Variants in NEFL observed in about 807,000 individuals in gnomAD.
The protein encoded by NEFL is neurofilament light chain.
A neutral mutation model predicts 51.6 loss-of-function variants in NEFL; 36 were observed. The ratio of observed to expected loss-of-function variants is 0.70; its 90% CI spans 0.53 to 0.92. NEFL has a LOEUF of 0.92. NEFL is among the 40% of genes least tolerant of loss of function. The probability of loss-of-function intolerance (pLI) is 0.00; values close to 1 mark genes in which losing one functional copy is unlikely to be tolerated. For synonymous variants in NEFL, 332 were observed against 302.5 expected (o/e 1.10, Z -1.01); for missense variants, 671 against 722.0 (o/e 0.93, Z 0.81).
In NEFL at chr8:24,955,684, C is replaced by T; in HGVS notation, c.832G>A (p.Glu278Lys). Residue 278 changes from glutamate (E) to lysine (K), a missense_variant, in exon 1 of 4, where the codon GAA becomes AAA. Transcript: ENST00000610854. This position sits in a 1 kb window ranked among gnomAD's most constrained non-coding sequence, Gnocchi z 4.0. ...LAAKNMQNAE[E>K]WFKSRFTVLT... ...ACGGTGAAGCGGCTCTTGAACCATTCCTCAGCGTTCTGCATGTTCTTGGCG... is the reference window on the plus strand; with the variant it reads ...ACGGTGAAGCGGCTCTTGAACCATTTCTCAGCGTTCTGCATGTTCTTGGCG... The T allele has an allele frequency of 1.9e-6, 3 of 1,613,886 alleles. No homozygotes were observed. Among genetic ancestry groups the T allele is most frequent in the South Asian group, 2.2e-5 (2 of 91,068 alleles).
chr8:24,953,636 G>A lies in NEFL; in HGVS notation c.1329C>T (p.Tyr443=), dbSNP rs140532785. 486 of 1,614,016 alleles carry A rather than the reference G, an allele frequency of 3.0e-4. 7 individuals carry two copies. In the East Asian group the frequency reaches 0.011, roughly 36 times the overall value. The change falls in exon 3 of 4, where the codon TAC becomes TAT. Residue 443 remains tyrosine (Y), a synonymous_variant. Transcript: ENST00000610854. ...TCTGCTCCTCTTGGACATGGCTGGTGTAGTAGGACGGGAAGGAGCGGGTGG... is the reference window on the plus strand; with the variant it reads ...TCTGCTCCTCTTGGACATGGCTGGTATAGTAGGACGGGAAGGAGCGGGTGG... ...LMSTRSFPSY[Y]TSHVQEEQIE...
At chr8:24,953,411 C>A in intron 3 of NEFL, 65 bp downstream of exon 3, 1 of 1,541,522 alleles carries the variant, frequency 6.5e-7, no homozygotes. Context: ...TTGTCTTATC[C>A]ACCTCCTAAC....
In NEFL at chr8:24,953,527, C is replaced by T. The variant is rs967433678; in HGVS notation, c.1438G>A (p.Glu480Lys). The T allele has an allele frequency of 6.2e-7, 1 of 1,610,454 alleles. No homozygotes were observed. Among genetic ancestry groups the T allele is most frequent in the Non-Finnish European group, 8.5e-7 (1 of 1,178,232 alleles). Residue 480 changes from glutamate to lysine, a missense_variant, in exon 3 of 4, where the codon GAG becomes AAG. Physicochemically the swap from Glu to Lys is moderately conservative, Grantham distance 56. Coordinates refer to ENST00000610854, the MANE Select transcript of NEFL (RefSeq NM_006158.5). ...PPSEGEAEEE[E>K]KDKEEAEEEE... Reference sequence around the variant, plus strand: ...TCCTCGGCCTCTTCCTTGTCCTTCTCCTCCTCCTCGGCTTCTCCTTCAGAG... The same window carrying T: ...TCCTCGGCCTCTTCCTTGTCCTTCTTCTCCTCCTCGGCTTCTCCTTCAGAG...
Position 24,952,634 on chromosome 8 carries a change from A to G in NEFL, c.*176T>C, listed in dbSNP as rs990390019. 56 of 1,038,928 alleles carry G rather than the reference A, an allele frequency of 5.4e-5. No individual in the cohort carries two copies. The African/African-American group carries it at 8.7e-4, about 16-fold the overall frequency. 64.4% of individuals were successfully genotyped at this position (1,038,928 alleles called of 1,614,324 possible). A position where few individuals can be genotyped will look rare whatever the true frequency, so the allele number is the denominator to read the frequency against. ...CTCTGCAAGCAAACAGATACTCTGC[A>G]TAAAGAGGAAATTCATAGCACAACA... On this transcript the variant is annotated 3_prime_UTR_variant, in exon 4 of 4. Coordinates refer to ENST00000610854, the MANE Select transcript of NEFL (RefSeq NM_006158.5).
At position 24,956,563 on chromosome 8, in the gene NEFL, AGAGAGAGGACAGGG is replaced by A; in HGVS notation, c.-62_-49del. 2 of 1,524,060 alleles carry A rather than the reference AGAGAGAGGACAGGG, an allele frequency of 1.3e-6. No homozygotes were observed. The highest frequency in any genetic ancestry group is 1.8e-6 in the Non-Finnish European group (2 of 1,122,200). 94.4% of individuals were successfully genotyped at this position (1,524,060 alleles called of 1,614,324 possible). A position where few individuals can be genotyped will look rare whatever the true frequency, so the allele number is the denominator to read the frequency against. On this transcript the variant is annotated 5_prime_UTR_variant, in exon 1 of 4. Transcript: ENST00000610854. This position sits in a 1 kb window ranked among gnomAD's most constrained non-coding sequence, Gnocchi z 5.9. ...GCCCGCGGCGGCGGTGGGAGCCCGG[AGAGAGAGGACAGGG>A]GAGAGAGGGAAGGGGGAGGATGGAT...
chr8:24,952,651 A>T lies in NEFL; in HGVS notation c.*159T>A. 2 of 1,168,212 alleles carry T rather than the reference A, an allele frequency of 1.7e-6. No homozygotes were observed. Among genetic ancestry groups the T allele is most frequent in the Non-Finnish European group, 2.4e-6 (2 of 845,236 alleles). 72.4% of individuals were successfully genotyped at this position (1,168,212 alleles called of 1,614,324 possible). A position where few individuals can be genotyped will look rare whatever the true frequency, so the allele number is the denominator to read the frequency against. ...TACTCTGCATAAAGAGGAAATTCATAGCACAACATTGAATGTCCAACCTAA... is the reference window on the plus strand; with the variant it reads ...TACTCTGCATAAAGAGGAAATTCATTGCACAACATTGAATGTCCAACCTAA... On this transcript the variant is annotated 3_prime_UTR_variant, in exon 4 of 4. Coordinates refer to ENST00000610854, the MANE Select transcript of NEFL (RefSeq NM_006158.5).
chr8:24,953,658 G>A lies in NEFL; in HGVS notation c.1307C>T (p.Thr436Ile). ...GLQTSSYLMS[T>I]RSFPSYYTSH... The stretch of plus-strand genomic sequence containing the variant: ...GGTGTAGTAGGACGGGAAGGAGCGG[G>A]TGGACATCAGATAGGAGCTGGTCTG... The change falls in exon 3 of 4, where the codon ACC (threonine) becomes ATC (isoleucine). Residue 436 changes from threonine (T) to isoleucine (I), a missense_variant. By Grantham distance (89) the Thr-to-Ile change is moderately conservative. Transcript: ENST00000610854. 1 of 1,613,976 alleles carries A rather than the reference G, an allele frequency of 6.2e-7. No individual in the cohort carries two copies. The highest frequency in any genetic ancestry group is 1.3e-5 in the African/African-American group (1 of 75,040).
Position 24,953,716 on chromosome 8 carries a change from G to C in NEFL, c.1249C>G (p.Gln417Glu). 1 of 1,614,002 alleles carries C rather than the reference G, an allele frequency of 6.2e-7. No homozygotes were observed. The highest frequency in any genetic ancestry group is 1.7e-5 in the Admixed American group (1 of 60,026). ...CCGTAGGCAGATCGGCCAAAGACCT[G>C]GGAGCTCTGGGAGTAGCCACTGGTT... ...SITSGYSQSS[Q>E]VFGRSAYGGL... Residue 417 changes from glutamine (Q) to glutamate (E), a missense_variant, in exon 3 of 4, where the codon CAG becomes GAG. Coordinates refer to ENST00000610854, the MANE Select transcript of NEFL (RefSeq NM_006158.5).
chr8:24,952,960 A>G lies in NEFL; in HGVS notation c.1490-8T>C, dbSNP rs776800770. 3.1e-6 allele frequency: 5 copies of G among 1,604,318 alleles called. No homozygotes were observed. The highest frequency in any genetic ancestry group is 1.1e-5 in the South Asian group (1 of 89,586). On this transcript the variant is annotated splice_polypyrimidine_tract_variant and splice_region_variant and intron_variant, in intron 3 of 3. Coordinates refer to ENST00000610854, the MANE Select transcript of NEFL (RefSeq NM_006158.5). ...CAGACTCTTCCTTGGCAGCTTTAACATAAAAAGAAAATGTACAAAATGCAA... is the reference window on the plus strand; with the variant it reads ...CAGACTCTTCCTTGGCAGCTTTAACGTAAAAAGAAAATGTACAAAATGCAA...
At position 24,956,385 on chromosome 8, in the gene NEFL, G is replaced by A; in HGVS notation, c.131C>T (p.Ser44Leu). Residue 44 changes from serine to leucine, a missense_variant, in exon 1 of 4, where the codon TCG becomes TTG. By Grantham distance (145) the Ser-to-Leu change is moderately radical. Coordinates refer to ENST00000610854, the MANE Select transcript of NEFL (RefSeq NM_006158.5). The surrounding 1 kb of genome is among the most constrained non-coding windows in gnomAD (Gnocchi z 5.9). ...STARSAYSSY[S>L]APVSSSLSVR... ...GGACAGCGAGGAAGACACCGGCGCC[G>A]AGTAGCTGGAGTAAGCTGAGCGTGC... is the stretch of plus-strand genomic sequence containing the variant. 1 of 1,604,262 alleles carries A rather than the reference G, an allele frequency of 6.2e-7. No individual in the cohort carries two copies. The highest frequency in any genetic ancestry group is 1.3e-5 in the African/African-American group (1 of 74,896).
In NEFL at chr8:24,952,571, G is replaced by A. The variant is rs766950317; in HGVS notation, c.*239C>T. 27 of 552,920 alleles carry A rather than the reference G, an allele frequency of 4.9e-5. No homozygotes were observed. Among genetic ancestry groups the A allele is most frequent in the Non-Finnish European group, 7.9e-5 (25 of 315,754 alleles). 34.3% of individuals were successfully genotyped at this position (552,920 alleles called of 1,614,324 possible). On this transcript the variant is annotated 3_prime_UTR_variant, in exon 4 of 4. Coordinates refer to ENST00000610854, the MANE Select transcript of NEFL (RefSeq NM_006158.5). Reference sequence around the variant, plus strand: ...TGCCGTAGATCCTGAACTCATAAGCGTGGTCCATGCACAGGCTGGCAGCAA... The same window carrying A: ...TGCCGTAGATCCTGAACTCATAAGCATGGTCCATGCACAGGCTGGCAGCAA...
In NEFL at chr8:24,953,030, T is replaced by G. The variant is rs1586126123; in HGVS notation, c.1490-78A>C. The G allele has an allele frequency of 3.4e-6, 5 of 1,485,354 alleles. No homozygotes were observed. In the East Asian group the frequency reaches 1.2e-4, roughly 36 times the overall value. The allele number at this position is 1,485,354 out of a possible 1,614,324, so 92.0% of individuals were successfully genotyped here. On this transcript the variant is annotated intron_variant, in intron 3 of 3. Coordinates refer to ENST00000610854, the MANE Select transcript of NEFL (RefSeq NM_006158.5). The stretch of plus-strand genomic sequence containing the variant: ...AAAACATGTCTGCAAAGGTTTTATT[T>G]GCAAACACAACTGTCAGAATGCTAC...
At chr8:24,954,831 T>C (rs1441543320) in intron 1 of NEFL, among the ~76,000 whole-genome samples, 1 of 151,998 alleles carries the variant, frequency 6.6e-6, no homozygotes, top group African/African-American at 2.4e-5. Flanking sequence ...TGGAGATCTT[T>C]TTAAAATTGT....
chr8:24,954,166 C>T lies in NEFL; in HGVS notation c.1169+15G>A. On this transcript the variant is annotated intron_variant, in intron 2 of 3. Coordinates refer to ENST00000610854, the MANE Select transcript of NEFL (RefSeq NM_006158.5). ...TAAGGTTTAATGGCTGCTGTCTTTG[C>T]CCCTCTATTTTCACCTGTAAGCTGC... 17 of 1,613,600 alleles carry T rather than the reference C, an allele frequency of 1.1e-5. No homozygotes were observed. The highest frequency in any genetic ancestry group is 1.2e-5 in the Non-Finnish European group (14 of 1,179,784).
At position 24,951,613 on chromosome 8, in the gene NEFL, C is replaced by T. The variant is rs1299676303; in HGVS notation, c.*1197G>A. On this transcript the variant is annotated 3_prime_UTR_variant, in exon 4 of 4. Transcript: ENST00000610854. The stretch of plus-strand genomic sequence containing the variant: ...AACATACAAGCATATTACCTCCCCC[C>T]TTAAGTGACTCATAATTTCATTACT... The T allele has an allele frequency of 1.3e-5, 2 of 152,562 alleles. No individual in the cohort carries two copies. Among genetic ancestry groups the T allele is most frequent in the Non-Finnish European group, 2.9e-5 (2 of 68,040 alleles). The allele number at this position is 152,562 out of a possible 1,614,324, so 9.5% of individuals were successfully genotyped here.
rs767498943 is a variant in NEFL, at chr8:24,954,190, G to T, written c.1160C>A (p.Ala387Glu). 9 of 1,613,638 alleles carry T rather than the reference G, an allele frequency of 5.6e-6. No homozygotes were observed. The change falls in exon 2 of 4, where the codon GCA (alanine) becomes GAA (glutamate). Residue 387 changes from alanine (A) to glutamate (E), a missense_variant. Coordinates refer to ENST00000610854, the MANE Select transcript of NEFL (RefSeq NM_006158.5). ...NVKMALDIEI[A>E]AYRKLLEGEE... ...GCCCCTCTATTTTCACCTGTAAGCT[G>T]CAATCTCAATATCCAAAGCCATCTT...
Position 24,952,818 on chromosome 8 carries a change from T to C in NEFL, c.1624A>G (p.Lys542Glu). Residue 542 changes from lysine (K) to glutamate (E), a missense_variant, in exon 4 of 4, where the codon AAA becomes GAA. Lys to Glu is a moderately conservative substitution (Grantham distance 56). Transcript: ENST00000610854. ...ATTAAGGAAATGGGGGTTCAATCTT[T>C]CTTCTTAGCTGCTTGTTCCTCCCCA... is the stretch of plus-strand genomic sequence containing the variant. ...GAGEEQAAKK[K>E]D The C allele has an allele frequency of 1.2e-6, 2 of 1,613,928 alleles. No homozygotes were observed. The highest frequency in any genetic ancestry group is 1.7e-5 in the Admixed American group (1 of 60,014).
In NEFL at chr8:24,955,784, G is replaced by A. The variant is rs1179809647; in HGVS notation, c.732C>T (p.Ser244=). 3.7e-6 allele frequency: 6 copies of A among 1,612,786 alleles called. 1 individual carries two copies. The South Asian group carries it at 6.6e-5, about 18-fold the overall frequency. Residue 244 remains serine (S), a synonymous_variant, in exon 1 of 4, where the codon TCC becomes TCT. Coordinates refer to ENST00000610854, the MANE Select transcript of NEFL (RefSeq NM_006158.5). This position sits in a 1 kb window ranked among gnomAD's most constrained non-coding sequence, Gnocchi z 4.0. ...CGGGCTTGGTCACGTCCATCTCCAC[G>A]GAGATCTGCGCGTACTGGATCTGCG... ...LQAQIQYAQI[S]VEMDVTKPDL... is the part of the protein sequence containing the mutation.
Position 24,951,995 on chromosome 8 carries a change from T to C in NEFL, c.*815A>G, listed in dbSNP as rs1382750942. 2 of 152,350 alleles carry C rather than the reference T, an allele frequency of 1.3e-5. No individual in the cohort carries two copies. The highest frequency in any genetic ancestry group is 4.8e-5 in the African/African-American group (2 of 41,442). The allele number at this position is 152,350 out of a possible 1,614,324, so 9.4% of individuals were successfully genotyped here. ...ACCTATTTATCATGGTTCCATAGTG[T>C]AATGGTTAGCACTCTAGACTCTGAA... On this transcript the variant is annotated 3_prime_UTR_variant, in exon 4 of 4. Coordinates refer to ENST00000610854, the MANE Select transcript of NEFL (RefSeq NM_006158.5).
Sources: allele counts gnomAD v4.1 joint callset (sites outside exome capture counted in the v4.1 genomes callset), GRCh38; gene constraint gnomAD v4.1.1; non-coding constraint Gnocchi (gnomAD v3.1); transcripts MANE v1.5; gene names NCBI Gene and HGNC (gene_info 2026-07-23, HGNC 2026-07-21).